The following CD2 variants were observed in gnomAD, a reference collection of about 807,000 sequenced individuals.
The protein encoded by CD2 is CD2 molecule, also known as T-cell surface antigen CD2.
CD2 carries 18 observed loss-of-function variants against 23.2 expected under a neutral mutation model. That is an observed-to-expected ratio of 0.77 (90% CI 0.54 to 1.15). The LOEUF (loss-of-function observed/expected upper bound fraction) is 1.15, where lower values mean the gene tolerates loss of function less well. CD2 is among the 50% of genes most tolerant of loss of function. The pLI, the probability that CD2 is intolerant of heterozygous loss-of-function variation, is 0.00. For synonymous variants in CD2, 162 were observed against 151.9 expected (o/e 1.07, Z -0.49); for missense variants, 424 against 423.1 (o/e 1.00, Z -0.02).
At chr1:116,766,127 C>T (rs1262714589) in intron 4 of CD2, among the ~76,000 whole-genome samples, 1 of 152,242 alleles carries the variant, frequency 6.6e-6, no homozygotes. Flanking sequence ...CTGTCAGCCT[C>T]GCTTGCCTCA....
chr1:116,766,804 A>T (rs1480338646), intron 4 of CD2, among the ~76,000 whole-genome samples: 1 of 152,108 alleles, frequency 6.6e-6, no homozygotes, highest in Non-Finnish European at 1.5e-5. Flanking sequence ...TCAAGAATGC[A>T]GTGAGATACG....
Position 116,768,598 on chromosome 1 carries a change from C to G in CD2, c.871C>G (p.Gln291Glu). 6.2e-7 allele frequency: 1 copy of G among 1,614,082 alleles called. No homozygotes were observed. Among genetic ancestry groups the G allele is most frequent in the South Asian group, 1.1e-5 (1 of 91,070 alleles). Residue 291 changes from glutamine (Q) to glutamate (E), a missense_variant, in exon 5 of 5, where the codon CAG becomes GAG. Physicochemically the swap from Gln to Glu is conservative, Grantham distance 29. Coordinates refer to ENST00000369478, the MANE Select transcript of CD2 (RefSeq NM_001767.5). ...TCCTCCACCACCTGGTCATCGTTCC[C>G]AGGCACCTAGTCATCGTCCCCCGCC... ...HPPPPPGHRSQAPSHRPPPPG... is the reference protein window; with the variant it reads ...HPPPPPGHRSEAPSHRPPPPG...
chr1:116,762,481 G>C (rs1223221500), intron 3 of CD2, among the ~76,000 whole-genome samples: 2 of 152,178 alleles, frequency 1.3e-5, no homozygotes, highest in Non-Finnish European at 2.9e-5. Flanking sequence ...GAATACCTGG[G>C]GAGAGATTAG....
chr1:116,756,481 T>C (rs1651854972), intron 2 of CD2, among the ~76,000 whole-genome samples: 1 of 152,124 alleles, frequency 6.6e-6, no homozygotes, highest in Non-Finnish European at 1.5e-5. Flanking sequence ...AGAGACCTAG[T>C]CAGAAGCAGC....
intron 2 of CD2, among the ~76,000 whole-genome samples, chr1:116,756,418 C>T (rs1651853348): frequency 6.6e-6 from 1 of 151,986 alleles, no homozygotes; most frequent in African/African-American, 2.4e-5. Context: ...TTTAAAGCGC[C>T]CAACAATACT....
Position 116,764,534 on chromosome 1 carries a change from C to G in CD2, c.664C>G (p.Leu222Val). ...CATTGGCATATGTGGAGGAGGCAGC[C>G]TCTTGATGGTCTTTGTGGCACTGCT... ...LIIGICGGGSLLMVFVALLVF... is the reference protein window; with the variant it reads ...LIIGICGGGSVLMVFVALLVF... The change falls in exon 4 of 5, where the codon CTC becomes GTC. Residue 222 changes from leucine (L) to valine (V), a missense_variant. Leu to Val is a conservative substitution (Grantham distance 32, BLOSUM62 1). Coordinates refer to ENST00000369478, the MANE Select transcript of CD2 (RefSeq NM_001767.5). 1 of 1,614,044 alleles carries G rather than the reference C, an allele frequency of 6.2e-7. No homozygotes were observed. The highest frequency in any genetic ancestry group is 1.1e-5 in the South Asian group (1 of 91,062).
chr1:116,768,107 C>T (rs911586336), intron 4 of CD2, among the ~76,000 whole-genome samples: 4 of 152,136 alleles, frequency 2.6e-5, no homozygotes, highest in African/African-American at 4.8e-5. Context: ...CCTTCCCATG[C>T]GCTCTAACCA....
chr1:116,764,788 A>C, intron 4 of CD2, 182 bp downstream of exon 4: 1 of 594,924 alleles, frequency 1.7e-6, no homozygotes, highest in Non-Finnish European at 3.0e-6. Context: ...TTGAAAAACA[A>C]ATTCTTAGTG....
Position 116,768,961 on chromosome 1 carries a change from T to G in CD2, c.*178T>G. ...AGCCATGTGGTCAACATCTGGAGTT[T>G]TTGGTCTCCTCAGAGAGCTCCATCA... is the stretch of plus-strand genomic sequence containing the variant. On this transcript the variant is annotated 3_prime_UTR_variant, in exon 5 of 5. Coordinates refer to ENST00000369478, the MANE Select transcript of CD2 (RefSeq NM_001767.5). The G allele has an allele frequency of 4.7e-6, 3 of 634,324 alleles. No homozygotes were observed. 39.3% of individuals were successfully genotyped at this position (634,324 alleles called of 1,614,324 possible). A position where few individuals can be genotyped will look rare whatever the true frequency, so the allele number is the denominator to read the frequency against.
intron 3 of CD2, among the ~76,000 whole-genome samples, chr1:116,763,705 ACT>A (rs1652124457): frequency 6.6e-6 from 1 of 152,076 alleles, no homozygotes; most frequent in South Asian, 2.1e-4. Context: ...AGGTGAAGTA[ACT>A]CTCCAAAGTT....
chr1:116,759,905 G>A (rs1462598951), intron 2 of CD2, among the ~76,000 whole-genome samples: 1 of 152,214 alleles, frequency 6.6e-6, no homozygotes, highest in Non-Finnish European at 1.5e-5. Flanking sequence ...CCAGTCACAT[G>A]TCAATGTGGT....
intron 3 of CD2, among the ~76,000 whole-genome samples, chr1:116,761,359 G>A (rs1652048384): frequency 6.6e-6 from 1 of 152,188 alleles, no homozygotes; most frequent in Non-Finnish European, 1.5e-5. Flanking sequence ...AATCTTGACA[G>A]AGTTTCTTCC....
chr1:116,763,348 T>G (rs1192592854), intron 3 of CD2, among the ~76,000 whole-genome samples: 1 of 152,212 alleles, frequency 6.6e-6, no homozygotes, highest in African/African-American at 2.4e-5. Flanking sequence ...AGTGTCTCCC[T>G]GGTATGTTTT....
At chr1:116,755,161 T>C in intron 2 of CD2, 1 of 582,870 alleles carries the variant, frequency 1.7e-6, no homozygotes, top group Non-Finnish European at 3.0e-6. Context: ...TCTACCTGCC[T>C]ACAACTCTGT....
intron 2 of CD2, among the ~76,000 whole-genome samples, chr1:116,757,418 C>T (rs1651888832): frequency 6.6e-6 from 1 of 151,994 alleles, no homozygotes; most frequent in South Asian, 2.1e-4. Flanking sequence ...GGGGTTAATC[C>T]CAGCAACTCA....
At chr1:116,760,214 T>C (rs944304253) in intron 2 of CD2, among the ~76,000 whole-genome samples, 188 bp from the exon 3 acceptor site, 1 of 152,216 alleles carries the variant, frequency 6.6e-6, no homozygotes, top group African/African-American at 2.4e-5. Context: ...GTGAATGTCA[T>C]CAGAAATAAT....
intron 2 of CD2, among the ~76,000 whole-genome samples, chr1:116,756,138 T>G (rs976016343): frequency 3.9e-5 from 6 of 152,076 alleles, no homozygotes; most frequent in Non-Finnish European, 7.4e-5. Context: ...AAGTGACAAC[T>G]TTCCACACCC....
intron 3 of CD2, among the ~76,000 whole-genome samples, chr1:116,763,044 G>A (rs1652105665): frequency 6.6e-6 from 1 of 152,204 alleles, no homozygotes; most frequent in Non-Finnish European, 1.5e-5. Flanking sequence ...AGCTCAGCAG[G>A]AAGTGGCCTC....
In CD2 at chr1:116,764,606, G is replaced by A; in HGVS notation, c.736G>A (p.Asp246Asn). The A allele has an allele frequency of 6.2e-7, 1 of 1,613,348 alleles. No individual in the cohort carries two copies. Among genetic ancestry groups the A allele is most frequent in the Non-Finnish European group, 8.5e-7 (1 of 1,179,474 alleles). ...KRKKQRSRRN[D>N]EELETRAHRV... ...GAAAAAACAGAGGAGTCGGAGAAAT[G>A]GTAAGCTCCCCCTCTTTTGTCCCAC... Residue 246 changes from aspartate (D) to asparagine (N), a missense_variant and splice_region_variant, in exon 4 of 5, where the codon GAT becomes AAT. Coordinates refer to ENST00000369478, the MANE Select transcript of CD2 (RefSeq NM_001767.5).
Sources: allele counts gnomAD v4.1 joint callset (sites outside exome capture counted in the v4.1 genomes callset), GRCh38; gene constraint gnomAD v4.1.1; transcripts MANE v1.5; gene names NCBI Gene and HGNC (gene_info 2026-07-23, HGNC 2026-07-21).